The following ARL15 variants were observed in gnomAD, a reference collection of about 807,000 sequenced individuals.
ARL15 encodes ARF like GTPase 15, also known as ADP-ribosylation factor-like protein 15.
In ARL15, 19 loss-of-function variants were observed where a neutral mutation model predicts 25.2. That is an observed-to-expected ratio of 0.75 (90% CI 0.53 to 1.10). The LOEUF (loss-of-function observed/expected upper bound fraction) is 1.10, where lower values mean the gene tolerates loss of function less well. ARL15 is among the 50% of genes least tolerant of loss of function. The pLI, the probability that ARL15 is intolerant of heterozygous loss-of-function variation, is 0.00. For synonymous variants in ARL15, 94 were observed against 86.8 expected, an observed-to-expected ratio of 1.08 and a Z score of -0.46; for missense variants, 220 against 246.0, an observed-to-expected ratio of 0.89 and a Z score of 0.71.
chr5:54,179,079 T>G (rs1754972182), intron 1 of ARL15, among the ~76,000 whole-genome samples: 1 of 152,236 alleles, frequency 6.6e-6, no homozygotes, highest in Non-Finnish European at 1.5e-5. Context: ...GTAACTTGCC[T>G]ACGTGGAACA....
chr5:54,049,663 C>T (rs1750646038), intron 4 of ARL15, among the ~76,000 whole-genome samples: 1 of 152,028 alleles, frequency 6.6e-6, no homozygotes, highest in African/African-American at 2.4e-5. Flanking sequence ...TGCAGTGACA[C>T]AATCTCGGCT....
At chr5:54,126,343 C>T (rs1211013461) in intron 3 of ARL15, among the ~76,000 whole-genome samples, 1 of 152,198 alleles carries the variant, frequency 6.6e-6, no homozygotes, top group Non-Finnish European at 1.5e-5. Context: ...CTAATTCTTG[C>T]TATGCACTCT....
chr5:54,285,256 A>G, intron 1 of ARL15: 1 of 529,076 alleles, frequency 1.9e-6, no homozygotes, highest in Non-Finnish European at 2.4e-6. Flanking sequence ...CAGATTGGTT[A>G]CAATCTGTTT....
chr5:54,028,543 T>A (rs2111878199), intron 4 of ARL15, among the ~76,000 whole-genome samples: 1 of 150,926 alleles, frequency 6.6e-6, no homozygotes, highest in Middle Eastern at 3.5e-3. Context: ...CTGAATGCAA[T>A]AACATTTTCT....
intron 4 of ARL15, among the ~76,000 whole-genome samples, chr5:54,039,682 A>G (rs543572727): frequency 2.0e-5 from 3 of 151,682 alleles, no homozygotes; most frequent in South Asian, 4.2e-4. Flanking sequence ...AGATGCTGTA[A>G]TCTCAGCTAC....
At chr5:53,924,946 G>A (rs1306815562) in intron 4 of ARL15, among the ~76,000 whole-genome samples, 1 of 152,054 alleles carries the variant, frequency 6.6e-6, no homozygotes, top group Admixed American at 6.5e-5. Context: ...AGACATATTA[G>A]ACACAAGAAA....
At chr5:54,084,365 C>A (rs932190897) in intron 4 of ARL15, among the ~76,000 whole-genome samples, 1 of 150,784 alleles carries the variant, frequency 6.6e-6, no homozygotes, top group Non-Finnish European at 1.5e-5. Context: ...GATCTGGAGA[C>A]TCCCAGAGGG....
At chr5:53,926,961 A>G (rs953256266) in intron 4 of ARL15, among the ~76,000 whole-genome samples, 3 of 151,670 alleles carry the variant, frequency 2.0e-5, no homozygotes, top group Admixed American at 6.6e-5. Flanking sequence ...AAAAAAAAAA[A>G]TAAAGTCCAA....
At chr5:54,270,308 T>C (rs890158264) in intron 1 of ARL15, among the ~76,000 whole-genome samples, 7 of 152,006 alleles carry the variant, frequency 4.6e-5, no homozygotes, top group Non-Finnish European at 7.4e-5. Flanking sequence ...GAGGTTTTTA[T>C]TTCCAAGGCC....
intron 2 of ARL15, among the ~76,000 whole-genome samples, chr5:54,167,904 T>C (rs371992767): frequency 1.6e-4 from 25 of 152,174 alleles, no homozygotes; most frequent in African/African-American, 5.8e-4. Flanking sequence ...CTACCATTAG[T>C]TATTAATTAC....
chr5:54,061,397 G>A (rs1199078205), intron 4 of ARL15, among the ~76,000 whole-genome samples: 1 of 152,106 alleles, frequency 6.6e-6, no homozygotes, highest in Non-Finnish European at 1.5e-5. Flanking sequence ...ATCACCTGAG[G>A]TCAGGAGTTC....
intron 4 of ARL15, among the ~76,000 whole-genome samples, chr5:54,065,624 C>T (rs957831900): frequency 9.4e-5 from 13 of 138,512 alleles, no homozygotes; most frequent in Admixed American, 7.7e-4. Flanking sequence ...GCCGAGATCA[C>T]GCCACTGCAC....
intron 4 of ARL15, among the ~76,000 whole-genome samples, chr5:54,058,841 T>A (rs1215235499): frequency 1.3e-5 from 2 of 152,196 alleles, no homozygotes; most frequent in Non-Finnish European, 2.9e-5. Context: ...TCCCTCGGGT[T>A]ACCATGAGAG....
intron 4 of ARL15, among the ~76,000 whole-genome samples, chr5:54,044,447 G>A (rs183299339): frequency 9.9e-5 from 15 of 151,996 alleles, no homozygotes; most frequent in South Asian, 2.1e-4. Flanking sequence ...ATTTCGCCAC[G>A]TTGGCCAAGC....
At chr5:54,307,099 G>A (rs550166399) in intron 1 of ARL15, among the ~76,000 whole-genome samples, 2 of 152,338 alleles carry the variant, frequency 1.3e-5, no homozygotes, top group South Asian at 4.1e-4. Context: ...CTTGGCAGAT[G>A]TAAACATGGC....
chr5:54,097,940 A>G lies in ARL15; in HGVS notation c.462+15262T>C, dbSNP rs1366922946. 3.3e-5 allele frequency among the ~76,000 whole-genome samples: 5 copies of G among 152,268 alleles called. No individual in the cohort carries two copies. The East Asian group carries it at 7.7e-4, about 24-fold the overall frequency. ...GACATAAATTCACAAACACACTCCT[A>G]CAGCATTTCCAAATGGAAAGCATGG... On this transcript the variant is annotated intron_variant, in intron 4 of 4. Transcript: ENST00000504924.
At chr5:53,998,641 G>A (rs1261857868) in intron 4 of ARL15, among the ~76,000 whole-genome samples, 1 of 152,210 alleles carries the variant, frequency 6.6e-6, no homozygotes, top group Admixed American at 6.5e-5. Context: ...TAAGAGATGA[G>A]GGCATGAAAA....
intron 4 of ARL15, among the ~76,000 whole-genome samples, chr5:54,089,523 A>T (rs908638519): frequency 2.2e-4 from 34 of 152,334 alleles, no homozygotes; most frequent in Non-Finnish European, 4.6e-4. Flanking sequence ...TATCTTTTAT[A>T]AAAAAGTTTT....
intron 4 of ARL15, among the ~76,000 whole-genome samples, chr5:53,947,182 G>A (rs1372542024): frequency 1.4e-5 from 2 of 141,460 alleles, no homozygotes; most frequent in Admixed American, 1.4e-4. Context: ...GTGTGTGTGT[G>A]TGTGTGTGTG....
Sources: allele counts gnomAD v4.1 joint callset (sites outside exome capture counted in the v4.1 genomes callset), GRCh38; gene constraint gnomAD v4.1.1; transcripts MANE v1.5; gene names NCBI Gene and HGNC (gene_info 2026-07-23, HGNC 2026-07-21).